The following FHIT variants were observed in gnomAD, a reference collection of about 807,000 sequenced individuals.
FHIT encodes fragile histidine triad diadenosine triphosphatase.
FHIT carries 19 observed loss-of-function variants against 17.9 expected under a neutral mutation model. The observed-to-expected ratio is 1.06, with a 90% CI of 0.74 to 1.56. The LOEUF (loss-of-function observed/expected upper bound fraction) is 1.56. FHIT is among the 40% of genes most tolerant of loss of function. The pLI, the probability that FHIT is intolerant of heterozygous loss-of-function variation, is 0.00. For synonymous variants in FHIT, 81 were observed against 69.7 expected (o/e 1.16, Z -0.81); for missense variants, 248 against 189.2 (o/e 1.31, Z -1.82).
chr3:60,540,265 A>C (rs997381230), intron 4 of FHIT, among the ~76,000 whole-genome samples: 1 of 152,198 alleles, frequency 6.6e-6, no homozygotes, highest in East Asian at 1.9e-4. Context: ...GCATCTTTTC[A>C]TCAGTATCCT....
chr3:60,812,175 C>CT (rs34243612), intron 4 of FHIT, among the ~76,000 whole-genome samples: 1,438 of 137,040 alleles, frequency 0.01, 16 homozygotes, highest in African/African-American at 0.03. Flanking sequence ...AATACAGACT[C>CT]TTTTTTTTTT....
chr3:60,226,252 C>A (rs1704192013), intron 5 of FHIT, among the ~76,000 whole-genome samples: 1 of 151,994 alleles, frequency 6.6e-6, no homozygotes, highest in Non-Finnish European at 1.5e-5. Context: ...GCAGGCAGCC[C>A]ACCTGAGGTA....
chr3:60,139,992 C>T (rs1699970489), intron 5 of FHIT, among the ~76,000 whole-genome samples: 1 of 152,030 alleles, frequency 6.6e-6, no homozygotes, highest in Middle Eastern at 3.4e-3. Flanking sequence ...CATGGTGACA[C>T]ATGCCTATAA....
intron 5 of FHIT, among the ~76,000 whole-genome samples, chr3:60,534,028 CATTT>C (rs1373847831): frequency 1.3e-5 from 2 of 152,122 alleles, no homozygotes; most frequent in Non-Finnish European, 2.9e-5. Flanking sequence ...GACATCTCAC[CATTT>C]ATTTATGAAA....
intron 3 of FHIT, among the ~76,000 whole-genome samples, chr3:60,964,657 G>T (rs1315055356): frequency 6.6e-6 from 1 of 152,118 alleles, no homozygotes; most frequent in Non-Finnish European, 1.5e-5. Context: ...GCATTTGCTT[G>T]TCTGTAAAGG....
In FHIT at chr3:61,013,481, T is replaced by C. The variant is rs964821033; in HGVS notation, c.-111+28566A>G. Reference sequence around the variant, plus strand: ...TTATAAAAATTCACCTTGCATTCTATTTACAGGCTTTTCATTTTATTTAGG... The same window carrying C: ...TTATAAAAATTCACCTTGCATTCTACTTACAGGCTTTTCATTTTATTTAGG... On this transcript the variant is annotated intron_variant, in intron 3 of 9. Transcript: ENST00000492590. Among the ~76,000 whole-genome samples, 7 of 152,240 alleles carry C rather than the reference T, an allele frequency of 4.6e-5. No individual in the cohort carries two copies. In the East Asian group the frequency reaches 1.3e-3, roughly 29 times the overall value.
intron 7 of FHIT, among the ~76,000 whole-genome samples, chr3:59,975,538 T>C (rs1708370995): frequency 6.6e-6 from 1 of 152,068 alleles, no homozygotes; most frequent in African/African-American, 2.4e-5. Context: ...AAAATAAAGG[T>C]AGGAACTATT....
intron 2 of FHIT, among the ~76,000 whole-genome samples, chr3:61,182,757 G>A (rs1479483664): frequency 3.3e-5 from 5 of 152,126 alleles, no homozygotes; most frequent in African/African-American, 1.2e-4. Context: ...GGGGTATGGG[G>A]GGTGGGGTTG....
chr3:60,878,859 T>C (rs1360705710), intron 3 of FHIT, among the ~76,000 whole-genome samples: 2 of 152,224 alleles, frequency 1.3e-5, no homozygotes, highest in East Asian at 1.9e-4. Flanking sequence ...ATGGTGTATA[T>C]GTGTCACATT....
chr3:59,891,825 C>T (rs1703868498), intron 8 of FHIT, among the ~76,000 whole-genome samples: 1 of 152,068 alleles, frequency 6.6e-6, no homozygotes, highest in Non-Finnish European at 1.5e-5. Context: ...TTAAAGGATC[C>T]TTGCAGGGAA....
intron 5 of FHIT, among the ~76,000 whole-genome samples, chr3:60,268,069 G>A (rs995144375): frequency 1.2e-4 from 19 of 152,118 alleles, no homozygotes; most frequent in African/African-American, 4.1e-4. Context: ...AATGCAAACT[G>A]TGGATATCAT....
At chr3:61,067,525 TG>T (rs35863141) in intron 2 of FHIT, among the ~76,000 whole-genome samples, 83,053 of 151,448 alleles carry the variant, frequency 0.55, 23,772 homozygotes, top group Non-Finnish European at 0.64. Flanking sequence ...TGATTTTTAT[TG>T]GGGGTCAGCC....
At chr3:60,825,161 T>C (rs1427474136) in intron 3 of FHIT, among the ~76,000 whole-genome samples, 1 of 152,144 alleles carries the variant, frequency 6.6e-6, no homozygotes, top group African/African-American at 2.4e-5. Flanking sequence ...TTATCAAAAG[T>C]GACAGTACAC....
At chr3:60,815,652 G>A (rs187634478) in intron 4 of FHIT, among the ~76,000 whole-genome samples, 1 of 152,034 alleles carries the variant, frequency 6.6e-6, no homozygotes, top group East Asian at 1.9e-4. Flanking sequence ...GTATAGCTTG[G>A]AGTTGGAAAA....
At chr3:60,396,207 C>T (rs1701433517) in intron 5 of FHIT, among the ~76,000 whole-genome samples, 1 of 152,132 alleles carries the variant, frequency 6.6e-6, no homozygotes, top group African/African-American at 2.4e-5. Context: ...CTTCCATTTA[C>T]TCCCTCAAAA....
chr3:59,781,116 G>C (rs780069034), intron 8 of FHIT, among the ~76,000 whole-genome samples: 3 of 152,146 alleles, frequency 2.0e-5, no homozygotes, highest in Non-Finnish European at 2.9e-5. Context: ...AAGGCATGTA[G>C]GATCTTGAAG....
At chr3:59,959,936 A>C (rs1405878264) in intron 7 of FHIT, among the ~76,000 whole-genome samples, 3 of 152,156 alleles carry the variant, frequency 2.0e-5, no homozygotes, top group African/African-American at 7.2e-5. Context: ...AGGAGATAAT[A>C]ACATATGTAG....
intron 3 of FHIT, among the ~76,000 whole-genome samples, chr3:60,965,548 G>T (rs1384209527): frequency 6.6e-6 from 1 of 152,142 alleles, no homozygotes; most frequent in African/African-American, 2.4e-5. Context: ...TTCTGCTCTG[G>T]TTTCTCCCCA....
chr3:60,407,013 T>C (rs1233173425), intron 5 of FHIT, among the ~76,000 whole-genome samples: 2 of 150,010 alleles, frequency 1.3e-5, no homozygotes, highest in Non-Finnish European at 3.0e-5. Context: ...TTCTCAAGTC[T>C]CATTCTCCTA....
Sources: allele counts gnomAD v4.1 joint callset (sites outside exome capture counted in the v4.1 genomes callset), GRCh38; gene constraint gnomAD v4.1.1; transcripts MANE v1.5; gene names NCBI Gene and HGNC (gene_info 2026-07-23, HGNC 2026-07-21).